The following TRABD variants were observed in gnomAD, a reference collection of about 807,000 sequenced individuals.
TRABD encodes the protein TraB domain containing, also known as traB domain-containing protein.
A neutral mutation model predicts 39.6 loss-of-function variants in TRABD; 23 were observed. The observed-to-expected ratio is 0.58, with a 90% CI of 0.42 to 0.82. TRABD has a LOEUF of 0.82. TRABD is among the 40% of genes least tolerant of loss of function. TRABD has a pLI of 0.00. For missense variants in TRABD, 487 were observed against 544.9 expected (o/e 0.89, Z 1.06); for synonymous variants, 243 against 232.1 (o/e 1.05, Z -0.43).
chr22:50,198,659 G>A lies in TRABD; in HGVS notation c.*140G>A. Reference sequence around the variant, plus strand: ...GGCCCGGCCTCGCCTGCCCTCCTGGGCCAGTCACCCCTCCCCCAGCCCACC... The same window carrying A: ...GGCCCGGCCTCGCCTGCCCTCCTGGACCAGTCACCCCTCCCCCAGCCCACC... On this transcript the variant is annotated 3_prime_UTR_variant, in exon 10 of 10. Transcript: ENST00000380909. This position sits in a 1 kb window ranked among gnomAD's most constrained non-coding sequence, Gnocchi z 7.9. The A allele has an allele frequency of 1.2e-6, 1 of 810,102 alleles. No homozygotes were observed. The highest frequency in any genetic ancestry group is 2.0e-5 in the South Asian group (1 of 50,472). The allele number at this position is 810,102 out of a possible 1,614,324, so 50.2% of individuals were successfully genotyped here.
Position 50,198,945 on chromosome 22 carries a change from G to C in TRABD, c.*426G>C. The C allele has an allele frequency of 1.7e-6, 1 of 600,658 alleles. No homozygotes were observed. Among genetic ancestry groups the C allele is most frequent in the Non-Finnish European group, 3.0e-6 (1 of 329,434 alleles). The allele number at this position is 600,658 out of a possible 1,614,324, so 37.2% of individuals were successfully genotyped here. The stretch of plus-strand genomic sequence containing the variant: ...CCAGGGGCGGCTCCTGGGGGCTCCA[G>C]GGCAGGCGAGACTGGGAAAGGCCCA... On this transcript the variant is annotated 3_prime_UTR_variant, in exon 10 of 10. Coordinates refer to ENST00000380909, the MANE Select transcript of TRABD (RefSeq NM_001320485.2). The surrounding 1 kb of genome is among the most constrained non-coding windows in gnomAD (Gnocchi z 7.9).
At chr22:50,186,511 C>T (rs935769054) in intron 1 of TRABD, among the ~76,000 whole-genome samples, 18 of 152,142 alleles carry the variant, frequency 1.2e-4, no homozygotes, top group African/African-American at 4.3e-4. Context: ...AGGCGCGGGT[C>T]GGACCTCGAG....
rs371226589 is a variant in TRABD at position 50,197,367 on chromosome 22, G to A, written c.531+16G>A. 77 of 1,613,400 alleles carry A rather than the reference G, an allele frequency of 4.8e-5. No individual in the cohort carries two copies. In the African/African-American group the frequency reaches 7.7e-4, roughly 16 times the overall value. ...CTTCAAGGAGGTGGGCACAGGGTGA[G>A]GTAGGGGGTGGCCACAGGGATGTGG... is the stretch of plus-strand genomic sequence containing the variant. On this transcript the variant is annotated intron_variant, in intron 6 of 9. Transcript: ENST00000380909.
Position 50,197,812 on chromosome 22 carries a change from C to T in TRABD, c.672-11C>T, listed in dbSNP as rs775510921. On this transcript the variant is annotated splice_polypyrimidine_tract_variant and intron_variant, in intron 7 of 9. Coordinates refer to ENST00000380909, the MANE Select transcript of TRABD (RefSeq NM_001320485.2). ...CCATCCCTGCGGGGCTGCAGCCATCCCTCTCCACAGCAAGGATGACGTGGA... is the reference window on the plus strand; with the variant it reads ...CCATCCCTGCGGGGCTGCAGCCATCTCTCTCCACAGCAAGGATGACGTGGA... 3.0e-5 allele frequency: 48 copies of T among 1,606,188 alleles called. No individual in the cohort carries two copies. Among genetic ancestry groups the T allele is most frequent in the Non-Finnish European group, 3.8e-5 (45 of 1,177,874 alleles).
intron 1 of TRABD, among the ~76,000 whole-genome samples, chr22:50,188,444 T>C (rs542970963): frequency 6.6e-6 from 1 of 152,178 alleles, no homozygotes; most frequent in African/African-American, 2.4e-5. Context: ...TTAACAGAAA[T>C]TTATTTTCTC....
rs145420607 is a variant in TRABD at position 50,197,877 on chromosome 22, C to G, written c.726C>G (p.Ala242=). 3.1e-6 allele frequency: 5 copies of G among 1,612,284 alleles called. No individual in the cohort carries two copies. The highest frequency in any genetic ancestry group is 3.4e-6 in the Non-Finnish European group (4 of 1,179,792). Residue 242 remains alanine (A), a synonymous_variant, in exon 8 of 10, where the codon GCC becomes GCG. Transcript: ENST00000380909. The part of the protein sequence containing the change: ...KQKDLLEQMM[A]EMIGEFPDLH... ...AGGACCTACTGGAGCAGATGATGGC[C>G]GAGATGATTGGCGAGTTCCCAGACC...
In TRABD at chr22:50,194,525, CACATCCCGG is replaced by C; in HGVS notation, c.279+23_279+31del. On this transcript the variant is annotated intron_variant, in intron 4 of 9. Coordinates refer to ENST00000380909, the MANE Select transcript of TRABD (RefSeq NM_001320485.2). ...TGTGAAGGTGAGCGCCGCCACCCGCCACATCCCGGACACGGGTTGGTGTAAGCTCCTGTG... is the reference window on the plus strand; with the variant it reads ...TGTGAAGGTGAGCGCCGCCACCCGCCACACGGGTTGGTGTAAGCTCCTGTG... 1 of 1,560,250 alleles carries C rather than the reference CACATCCCGG, an allele frequency of 6.4e-7. No individual in the cohort carries two copies. Among genetic ancestry groups the C allele is most frequent in the Non-Finnish European group, 8.7e-7 (1 of 1,152,476 alleles).
chr22:50,198,411 G>A lies in TRABD; in HGVS notation c.1023G>A (p.Leu341=). 1 of 1,596,686 alleles carries A rather than the reference G, an allele frequency of 6.3e-7. No individual in the cohort carries two copies. Reference sequence around the variant, plus strand: ...CCGTGAAGGCCGCCTTCTTCGGCCTGCTGGGCTACAGCCTGTACTGGATGG... The same window carrying A: ...CCGTGAAGGCCGCCTTCTTCGGCCTACTGGGCTACAGCCTGTACTGGATGG... The part of the protein sequence containing the change: ...RLAVKAAFFG[L]LGYSLYWMGR... The change falls in exon 10 of 10, where the codon CTG becomes CTA. Residue 341 remains leucine (L), a synonymous_variant. Transcript: ENST00000380909. The surrounding 1 kb of genome is among the most constrained non-coding windows in gnomAD (Gnocchi z 7.9).
intron 5 of TRABD, among the ~76,000 whole-genome samples, chr22:50,196,506 CA>C (rs2064113047): frequency 6.6e-6 from 1 of 152,178 alleles, no homozygotes; most frequent in Non-Finnish European, 1.5e-5. Flanking sequence ...GCCGGTGAGA[CA>C]GGGGCAATAG....
rs1299309920 is a variant in TRABD at position 50,195,128 on chromosome 22, C to T, written c.420+88C>T. ...GCCCAGGTTCCTCTCACAGCCCATG[C>T]CCCCAGTCAGTGTGGCTGTGCCTGG... On this transcript the variant is annotated intron_variant, in intron 5 of 9. Coordinates refer to ENST00000380909, the MANE Select transcript of TRABD (RefSeq NM_001320485.2). The T allele has an allele frequency of 1.5e-5, 22 of 1,449,750 alleles. 1 individual carries two copies. The highest frequency in any genetic ancestry group is 1.0e-4 in the East Asian group (4 of 40,022). 89.8% of individuals were successfully genotyped at this position (1,449,750 alleles called of 1,614,324 possible).
At chr22:50,186,419 C>A (rs900394196) in intron 1 of TRABD, among the ~76,000 whole-genome samples, 6 of 152,084 alleles carry the variant, frequency 3.9e-5, no homozygotes, top group African/African-American at 1.4e-4. Flanking sequence ...GCGTCCCCTG[C>A]CACCGCTGCC....
rs1602454305 is a variant in TRABD, at chr22:50,195,082, A to C, written c.420+42A>C. 4.0e-6 allele frequency: 6 copies of C among 1,518,118 alleles called. No homozygotes were observed. The South Asian group carries it at 7.4e-5, about 19-fold the overall frequency. The allele number at this position is 1,518,118 out of a possible 1,614,324, so 94.0% of individuals were successfully genotyped here. A position where few individuals can be genotyped will look rare whatever the true frequency, so the allele number is the denominator to read the frequency against. On this transcript the variant is annotated intron_variant, in intron 5 of 9. Transcript: ENST00000380909. ...AAGGGTCAGGGTCAGGGTCGGGGTC[A>C]AAGCCACCTGTTTGCCTGTTGCCCA... is the stretch of plus-strand genomic sequence containing the variant.
intron 1 of TRABD, chr22:50,191,965 G>C (rs2063920653): frequency 6.6e-6 from 1 of 152,232 alleles, no homozygotes; most frequent in African/African-American, 2.4e-5. Flanking sequence ...GATGGTCTAT[G>C]TTGGCCAGGC....
At position 50,194,416 on chromosome 22, in the gene TRABD, T is replaced by C. The variant is rs1256241215; in HGVS notation, c.189T>C (p.Thr63=). The change falls in exon 4 of 10, where the codon ACT becomes ACC. Residue 63 remains threonine, a synonymous_variant. Coordinates refer to ENST00000380909, the MANE Select transcript of TRABD (RefSeq NM_001320485.2). ...GTCAGCGGCCCAACCTGCCGCGCAC[T>C]GTGACCCAGTTGGTGGCTGAGGACG... ...RRRQRPNLPR[T]VTQLVAEDGS... 3.1e-6 allele frequency: 5 copies of C among 1,612,920 alleles called. No individual in the cohort carries two copies. In the South Asian group the frequency reaches 5.5e-5, roughly 18 times the overall value.
At position 50,199,365 on chromosome 22, in the gene TRABD, C is replaced by T. The variant is rs2064244251; in HGVS notation, c.*846C>T. 14 of 460,294 alleles carry T rather than the reference C, an allele frequency of 3.0e-5. No homozygotes were observed. The South Asian group carries it at 3.2e-4, about 10-fold the overall frequency. 28.5% of individuals were successfully genotyped at this position (460,294 alleles called of 1,614,324 possible). Reference sequence around the variant, plus strand: ...GCCAAGGACATGGGCTGTGGCCAGGCCTGTCCCGCTCAGGCCCCCTGCCCG... The same window carrying T: ...GCCAAGGACATGGGCTGTGGCCAGGTCTGTCCCGCTCAGGCCCCCTGCCCG... On this transcript the variant is annotated 3_prime_UTR_variant, in exon 10 of 10. Coordinates refer to ENST00000380909, the MANE Select transcript of TRABD (RefSeq NM_001320485.2).
Position 50,199,275 on chromosome 22 carries a change from A to C in TRABD, c.*756A>C, listed in dbSNP as rs968032332. 2 of 605,048 alleles carry C rather than the reference A, an allele frequency of 3.3e-6. No homozygotes were observed. The highest frequency in any genetic ancestry group is 2.9e-5 in the Admixed American group (1 of 34,532). The allele number at this position is 605,048 out of a possible 1,614,324, so 37.5% of individuals were successfully genotyped here. ...GGGAGCCTGTGTCCTGAGCCCCCGG[A>C]GCGAAGGGGTGCCTGGGGCATCTTG... On this transcript the variant is annotated 3_prime_UTR_variant, in exon 10 of 10. Coordinates refer to ENST00000380909, the MANE Select transcript of TRABD (RefSeq NM_001320485.2).
chr22:50,194,917 G>C lies in TRABD; in HGVS notation c.297G>C (p.Gln99His). 1 of 1,612,842 alleles carries C rather than the reference G, an allele frequency of 6.2e-7. No individual in the cohort carries two copies. Among genetic ancestry groups the C allele is most frequent in the South Asian group, 1.1e-5 (1 of 91,082 alleles). Residue 99 changes from glutamine to histidine, a missense_variant, in exon 5 of 10, where the codon CAG (glutamine) becomes CAC (histidine). By Grantham distance (24) the Gln-to-His change is conservative. This residue lies in a region of TRABD where 358 missense variants were observed against 414.7 expected (regional missense o/e 0.86). Transcript: ENST00000380909. ...RDVVKTIREV[Q>H]PDVVVVELCQ... ...TGTTGCAGACCATCCGGGAGGTGCAGCCTGACGTGGTGGTCGTGGAGCTCT... is the reference window on the plus strand; with the variant it reads ...TGTTGCAGACCATCCGGGAGGTGCACCCTGACGTGGTGGTCGTGGAGCTCT...
chr22:50,187,179 G>A (rs545380415), intron 1 of TRABD, among the ~76,000 whole-genome samples: 1 of 152,352 alleles, frequency 6.6e-6, no homozygotes, highest in South Asian at 2.1e-4. Flanking sequence ...GCAGGAGCCT[G>A]TGGGGCCCCC....
rs370601549 is a variant in TRABD at position 50,194,982 on chromosome 22, C to T, written c.362C>T (p.Thr121Met). The T allele has an allele frequency of 1.1e-5, 17 of 1,611,204 alleles. No individual in the cohort carries two copies. Among genetic ancestry groups the T allele is most frequent in the Admixed American group, 1.7e-5 (1 of 59,934 alleles). Residue 121 changes from threonine (T) to methionine (M), a missense_variant, in exon 5 of 10, where the codon ACG (threonine) becomes ATG (methionine). Transcript: ENST00000380909. ...TCCATGCTGAAGATGGACGAGAGCA[C>T]GCTGCTGCGGGAGGCCCAGGAGCTC... ...RVSMLKMDES[T>M]LLREAQELSL...
Sources: gnomAD v4.1 joint callset for allele counts (sites outside exome capture counted in the v4.1 genomes callset) on GRCh38, gnomAD v4.1.1 for gene constraint, gnomAD v4.1.1 regional missense constraint, Gnocchi (gnomAD v3.1) non-coding constraint, MANE v1.5 for transcripts, NCBI Gene and HGNC (gene_info 2026-07-23, HGNC 2026-07-21) for gene names.